ZBTB20: variants seen among roughly 807,000 people sequenced by gnomAD.
ZBTB20 encodes zinc finger and BTB domain-containing protein 20.
In ZBTB20, 9 loss-of-function variants were observed where a neutral mutation model predicts 56.9. The ratio of observed to expected loss-of-function variants is 0.16; its 90% CI spans 0.10 to 0.28. The LOEUF (loss-of-function observed/expected upper bound fraction) is 0.28, where lower values mean the gene tolerates loss of function less well. Among genes scored for constraint, ZBTB20 ranks in the 10% least tolerant of loss-of-function variants. The pLI is 1.00. For synonymous variants in ZBTB20, 417 were observed against 420.7 expected (o/e 0.99, Z 0.11); for missense variants, 655 against 1,003.0 (o/e 0.65, Z 4.69).
rs1223732179 is a variant in ZBTB20 at position 114,883,916 on chromosome 3, C to CCCTTTTT, written c.-417+16387_-417+16388insAAAAAGG. On this transcript the variant is annotated intron_variant, in intron 4 of 11. Transcript: ENST00000675478. Reference sequence around the variant, plus strand: ...GTATAACTGGTAAGAATGGTGTGTTCTTTTTTTTTTTTTTTTTTTTTTTTT... The same window carrying CCCTTTTT: ...GTATAACTGGTAAGAATGGTGTGTTCCCTTTTTTTTTTTTTTTTTTTTTTTTTTTTTT... 2.2e-5 allele frequency among the ~76,000 whole-genome samples: 2 copies of CCCTTTTT among 89,774 alleles called. 1 individual carries two copies. Among genetic ancestry groups the CCCTTTTT allele is most frequent in the Non-Finnish European group, 4.3e-5 (2 of 46,742 alleles). The allele number at this position is 89,774 out of a possible 152,430, so 58.9% of individuals were successfully genotyped here.
intron 6 of ZBTB20, among the ~76,000 whole-genome samples, chr3:114,506,852 C>T (rs913003620): frequency 1.8e-4 from 28 of 152,140 alleles, no homozygotes; most frequent in African/African-American, 5.1e-4. Context: ...TCTTTATATA[C>T]GGTGACAGCC....
At chr3:114,391,667 T>C (rs1302014040) in intron 7 of ZBTB20, among the ~76,000 whole-genome samples, 1 of 152,348 alleles carries the variant, frequency 6.6e-6, no homozygotes, top group East Asian at 1.9e-4. Context: ...ACTAGGCTGA[T>C]AATCTGCTGA....
intron 7 of ZBTB20, among the ~76,000 whole-genome samples, chr3:114,465,623 C>A (rs1420045529): frequency 1.3e-5 from 2 of 151,896 alleles, no homozygotes; most frequent in African/African-American, 4.8e-5. Flanking sequence ...AGGAGAATCG[C>A]TTGAACCCAG....
chr3:114,631,805 T>C (rs2058971838), intron 6 of ZBTB20, among the ~76,000 whole-genome samples: 1 of 152,192 alleles, frequency 6.6e-6, no homozygotes, highest in Non-Finnish European at 1.5e-5. Flanking sequence ...AAATGACCAA[T>C]TTGGTAAACT....
intron 6 of ZBTB20, among the ~76,000 whole-genome samples, chr3:114,640,658 AC>A (rs2059510733): frequency 6.6e-6 from 1 of 152,042 alleles, no homozygotes; most frequent in Non-Finnish European, 1.5e-5. Context: ...ATATGGGGTT[AC>A]CCTGTATATA....
chr3:114,370,734 T>G (rs2082903588), intron 10 of ZBTB20, among the ~76,000 whole-genome samples: 1 of 152,226 alleles, frequency 6.6e-6, no homozygotes, highest in African/African-American at 2.4e-5. Flanking sequence ...GCATTCCTGC[T>G]GTGCCCCAGG....
chr3:114,913,160 C>T (rs1368221857), intron 3 of ZBTB20, among the ~76,000 whole-genome samples: 1 of 152,050 alleles, frequency 6.6e-6, no homozygotes, highest in East Asian at 1.9e-4. Flanking sequence ...AACCTCCAGG[C>T]TGTTCTCCAT....
At chr3:114,528,263 A>G (rs1186082757) in intron 6 of ZBTB20, among the ~76,000 whole-genome samples, 1 of 151,970 alleles carries the variant, frequency 6.6e-6, no homozygotes, top group Admixed American at 6.6e-5. Context: ...AGCAACAAAA[A>G]CTCAATTATA....
At chr3:115,090,928 T>G (rs1039073764) in intron 1 of ZBTB20, among the ~76,000 whole-genome samples, 1 of 151,888 alleles carries the variant, frequency 6.6e-6, no homozygotes, top group Non-Finnish European at 1.5e-5. Flanking sequence ...AATTTAAAAC[T>G]TAGGATTCAT....
At chr3:114,587,968 T>C (rs1559999503) in intron 6 of ZBTB20, among the ~76,000 whole-genome samples, 1 of 152,218 alleles carries the variant, frequency 6.6e-6, no homozygotes, top group Non-Finnish European at 1.5e-5. Context: ...AGGTAAGTGA[T>C]TCTAACCTAA....
chr3:114,965,518 A>G (rs369723346), intron 3 of ZBTB20, among the ~76,000 whole-genome samples: 2 of 152,138 alleles, frequency 1.3e-5, no homozygotes, highest in East Asian at 3.8e-4. Flanking sequence ...GATTCCACAT[A>G]TAAGTGAGAT....
intron 4 of ZBTB20, among the ~76,000 whole-genome samples, chr3:114,878,469 T>G (rs950949625): frequency 1.3e-5 from 2 of 150,854 alleles, no homozygotes; most frequent in Non-Finnish European, 1.5e-5. Context: ...GGGAGGGAAA[T>G]GGTAAAATAG....
At chr3:114,583,985 C>T (rs1278223607) in intron 6 of ZBTB20, among the ~76,000 whole-genome samples, 1 of 152,198 alleles carries the variant, frequency 6.6e-6, no homozygotes, top group Non-Finnish European at 1.5e-5. Context: ...TCAAAATTCA[C>T]ATACATTCAC....
intron 5 of ZBTB20, among the ~76,000 whole-genome samples, chr3:114,793,398 G>T (rs2071111577): frequency 1.3e-5 from 2 of 151,918 alleles, no homozygotes; most frequent in Middle Eastern, 6.8e-3. Flanking sequence ...GTAGATCTAG[G>T]TTATTGGAAC....
chr3:114,876,484 T>C (rs1421658128), intron 4 of ZBTB20: 2 of 152,146 alleles, frequency 1.3e-5, no homozygotes, highest in African/African-American at 4.8e-5. Context: ...TTTATATTTA[T>C]AATGCCTTAA....
intron 6 of ZBTB20, among the ~76,000 whole-genome samples, chr3:114,534,474 C>T (rs1162633845): frequency 6.6e-6 from 1 of 152,140 alleles, no homozygotes; most frequent in African/African-American, 2.4e-5. Context: ...TACAGGAGCA[C>T]CCAGATTCAT....
At chr3:114,641,796 G>A (rs938314698) in intron 6 of ZBTB20, among the ~76,000 whole-genome samples, 1 of 151,712 alleles carries the variant, frequency 6.6e-6, no homozygotes, top group Non-Finnish European at 1.5e-5. Flanking sequence ...AAAAGTATAT[G>A]GAGGGTGTCT....
chr3:114,919,598 G>C (rs111627841), intron 3 of ZBTB20, among the ~76,000 whole-genome samples: 1 of 151,866 alleles, frequency 6.6e-6, no homozygotes, highest in Non-Finnish European at 1.5e-5. Context: ...CCAGCTACTC[G>C]GGAGGCTGAG....
chr3:114,651,761 A>C (rs542463081), intron 6 of ZBTB20, among the ~76,000 whole-genome samples: 1 of 152,166 alleles, frequency 6.6e-6, no homozygotes, highest in Admixed American at 6.5e-5. Flanking sequence ...AGCAGTGAAC[A>C]CTTGCCCAAG....
Sources: allele counts gnomAD v4.1 joint callset (sites outside exome capture counted in the v4.1 genomes callset), GRCh38; gene constraint gnomAD v4.1.1; transcripts MANE v1.5; gene names NCBI Gene and HGNC (gene_info 2026-07-23, HGNC 2026-07-21).